Variants in ATXN7L1 observed in about 807,000 individuals in gnomAD.
ATXN7L1 encodes the protein ataxin-7-like protein 1.
In ATXN7L1, 15 loss-of-function variants were observed where a neutral mutation model predicts 70.8. That is an observed-to-expected ratio of 0.21 (90% confidence interval 0.14 to 0.33). The LOEUF (loss-of-function observed/expected upper bound fraction) is 0.33. Among genes scored for constraint, ATXN7L1 ranks in the 10% least tolerant of loss-of-function variants. The probability of loss-of-function intolerance (pLI) is 1.00; values close to 1 mark genes in which losing one functional copy is unlikely to be tolerated. For synonymous variants in ATXN7L1, 440 were observed against 445.1 expected, an observed-to-expected ratio of 0.99 and a Z score of 0.14; for missense variants, 975 against 1,097.1, an observed-to-expected ratio of 0.89 and a Z score of 1.57.
chr7:105,635,531 T>C (rs1184150352), intron 7 of ATXN7L1, among the ~76,000 whole-genome samples: 1 of 152,210 alleles, frequency 6.6e-6, no homozygotes, highest in Non-Finnish European at 1.5e-5. Context: ...GTTGTACAGA[T>C]GAGCAATCTG....
chr7:105,639,367 A>G, intron 6 of ATXN7L1, 120 bp downstream of exon 6: 1 of 706,616 alleles, frequency 1.4e-6, no homozygotes, highest in Admixed American at 2.7e-5. Flanking sequence ...TTCCCTTACA[A>G]AGAACAGCTG....
chr7:105,684,578 G>C (rs1353987903), intron 3 of ATXN7L1, among the ~76,000 whole-genome samples: 1 of 152,160 alleles, frequency 6.6e-6, no homozygotes, highest in Non-Finnish European at 1.5e-5. Context: ...CAAATCCACA[G>C]GTATCCTTTA....
intron 2 of ATXN7L1, among the ~76,000 whole-genome samples, chr7:105,798,001 A>AT (rs1655899354): frequency 6.6e-6 from 1 of 152,170 alleles, no homozygotes; most frequent in African/African-American, 2.4e-5. Context: ...ATACTCATTC[A>AT]TTTTCTCTTC....
intron 2 of ATXN7L1, among the ~76,000 whole-genome samples, chr7:105,810,601 C>T (rs1360291286): frequency 6.6e-6 from 1 of 152,038 alleles, no homozygotes; most frequent in Non-Finnish European, 1.5e-5. Flanking sequence ...GATGGTGTTC[C>T]GCACAGAGGG....
At chr7:105,754,142 G>A (rs993768209) in intron 3 of ATXN7L1, among the ~76,000 whole-genome samples, 1 of 152,166 alleles carries the variant, frequency 6.6e-6, no homozygotes, top group Non-Finnish European at 1.5e-5. Context: ...GAGCTCTGAC[G>A]TCTCAAGAAC....
At chr7:105,733,950 AT>A in intron 3 of ATXN7L1, among the ~76,000 whole-genome samples, 1 of 150,168 alleles carries the variant, frequency 6.7e-6, no homozygotes, top group Non-Finnish European at 1.5e-5. Flanking sequence ...CCATCCATCC[AT>A]CCATCCATCC....
chr7:105,623,632 C>G (rs1485181653), intron 8 of ATXN7L1, among the ~76,000 whole-genome samples: 2 of 152,184 alleles, frequency 1.3e-5, no homozygotes, highest in African/African-American at 2.4e-5. Flanking sequence ...GGGGAGAATA[C>G]CAACAAGGGC....
At chr7:105,691,330 A>G (rs1790789444) in intron 3 of ATXN7L1, among the ~76,000 whole-genome samples, 1 of 152,154 alleles carries the variant, frequency 6.6e-6, no homozygotes, top group Non-Finnish European at 1.5e-5. Flanking sequence ...ACTCTCGGGA[A>G]CGTTATTAAG....
At chr7:105,691,392 T>C (rs908361452) in intron 3 of ATXN7L1, among the ~76,000 whole-genome samples, 1 of 152,074 alleles carries the variant, frequency 6.6e-6, no homozygotes, top group African/African-American at 2.4e-5. Context: ...CTGCTGCACA[T>C]ACACCGCCGT....
rs533332 is a variant in ATXN7L1, at chr7:105,789,354, A to G, written c.251-646T>C. Among the ~76,000 whole-genome samples the G allele has an allele frequency of 7.1e-3, 1,078 of 152,218 alleles. 10 individuals carry two copies. The highest frequency in any genetic ancestry group is 0.025 in the African/African-American group (1,018 of 41,522). On this transcript the variant is annotated intron_variant, in intron 2 of 11. Transcript: ENST00000419735. The stretch of plus-strand genomic sequence containing the variant: ...AAGAATGAGTTCTCTGCTCTCCTGG[A>G]GCTTAAGGGAGCAGAAGAGAGAAGC...
intron 4 of ATXN7L1, among the ~76,000 whole-genome samples, chr7:105,644,633 C>T (rs1056904418): frequency 6.6e-6 from 1 of 152,132 alleles, no homozygotes; most frequent in Non-Finnish European, 1.5e-5. Context: ...CACAAGAAAC[C>T]CTTTGAGAGT....
chr7:105,756,904 A>G (rs936421239), intron 3 of ATXN7L1, among the ~76,000 whole-genome samples: 2 of 152,198 alleles, frequency 1.3e-5, no homozygotes, highest in Admixed American at 1.3e-4. Context: ...ATAGTGTTAT[A>G]CTAGTAGATG....
chr7:105,786,841 T>C (rs1804374353), intron 3 of ATXN7L1, among the ~76,000 whole-genome samples: 1 of 152,198 alleles, frequency 6.6e-6, no homozygotes, highest in Non-Finnish European at 1.5e-5. Flanking sequence ...TGGCTTACAA[T>C]AGAATGCAAC....
chr7:105,721,597 G>C (rs1287346295), intron 3 of ATXN7L1, among the ~76,000 whole-genome samples: 1 of 152,238 alleles, frequency 6.6e-6, no homozygotes, highest in African/African-American at 2.4e-5. Context: ...GGGGACAAGG[G>C]GACAGTACGA....
Position 105,624,218 on chromosome 7 carries a change from C to T in ATXN7L1, c.1252G>A (p.Gly418Ser), listed in dbSNP as rs1004588491. 8 of 1,506,162 alleles carry T rather than the reference C, an allele frequency of 5.3e-6. No individual in the cohort carries two copies. The highest frequency in any genetic ancestry group is 1.7e-4 in the Middle Eastern group (1 of 5,808). The allele number at this position is 1,506,162 out of a possible 1,614,324, so 93.3% of individuals were successfully genotyped here. A position where few individuals can be genotyped will look rare whatever the true frequency, so the allele number is the denominator to read the frequency against. ...ISSSTSSNHSGHTPEPPLPPV... is the reference protein window; with the variant it reads ...ISSSTSSNHSSHTPEPPLPPV... ...GGGAGTGGGGGCTCTGGAGTGTGGC[C>T]GCTATGATTTGAAGATGTGCTGCTG... The change falls in exon 8 of 12, where the codon GGC (glycine) becomes AGC (serine). Residue 418 changes from glycine (G) to serine (S), a missense_variant. This residue lies in a region of ATXN7L1 where 635 missense variants were observed against 699.4 expected (regional missense o/e 0.91). Transcript: ENST00000419735.
chr7:105,821,777 C>T (rs556508375), intron 2 of ATXN7L1, among the ~76,000 whole-genome samples: 69 of 152,342 alleles, frequency 4.5e-4, no homozygotes, highest in Middle Eastern at 3.4e-3. Context: ...GCACACCTTG[C>T]ACAGGCTTGC....
intron 3 of ATXN7L1, among the ~76,000 whole-genome samples, chr7:105,694,865 A>C (rs1045983137): frequency 1.1e-4 from 16 of 152,288 alleles, no homozygotes; most frequent in Admixed American, 5.9e-4. Context: ...CTAAAAGCAC[A>C]ACCTCAGCCA....
chr7:105,738,240 G>C (rs1797629785), intron 3 of ATXN7L1, among the ~76,000 whole-genome samples: 1 of 152,180 alleles, frequency 6.6e-6, no homozygotes, highest in Non-Finnish European at 1.5e-5. Flanking sequence ...GGCTTTCTAA[G>C]CCCATTTGCT....
At chr7:105,818,916 A>C (rs564736626) in intron 2 of ATXN7L1, among the ~76,000 whole-genome samples, 1 of 149,956 alleles carries the variant, frequency 6.7e-6, no homozygotes, top group South Asian at 2.1e-4. Flanking sequence ...TTTAAGTTCT[A>C]GGGTACATGT....
Sources: allele counts gnomAD v4.1 joint callset (sites outside exome capture counted in the v4.1 genomes callset), GRCh38; gene constraint gnomAD v4.1.1; regional missense constraint gnomAD v4.1.1; transcripts MANE v1.5; gene names NCBI Gene and HGNC (gene_info 2026-07-23, HGNC 2026-07-21).